The following MAOB variants were observed in gnomAD, a reference collection of about 807,000 sequenced individuals.
The protein encoded by MAOB is monoamine oxidase B, also known as amine oxidase [flavin-containing] B.
Under a neutral mutation model 41.9 loss-of-function variants are expected in MAOB, and 15 were observed. That is an observed-to-expected ratio of 0.36 (90% confidence interval 0.24 to 0.55). The LOEUF (loss-of-function observed/expected upper bound fraction) is 0.55, where lower values mean the gene tolerates loss of function less well. Among genes scored for constraint, MAOB ranks in the 20% least tolerant of loss-of-function variants. MAOB has a pLI of 0.86. For missense variants in MAOB, 345 were observed against 398.7 expected (o/e 0.87, Z 1.15); for synonymous variants, 167 against 144.2 (o/e 1.16, Z -1.13).
At chrX:43,812,868 G>T (rs753063348) in intron 3 of MAOB, among the ~76,000 whole-genome samples, 2 of 112,143 alleles carry the variant, frequency 1.8e-5, no homozygotes, top group Admixed American at 1.9e-4. Flanking sequence ...TGTCCACATA[G>T]AAAGAAATGG....
chrX:43,779,432 A>C (rs567523186), intron 10 of MAOB, among the ~76,000 whole-genome samples: 8 of 112,413 alleles, frequency 7.1e-5, no homozygotes, highest in African/African-American at 2.6e-4. Flanking sequence ...GATTTCTAAA[A>C]AATTATCTTG....
At chrX:43,822,564 T>C (rs890156897) in intron 3 of MAOB, among the ~76,000 whole-genome samples, 1 of 111,650 alleles carries the variant, frequency 9.0e-6, no homozygotes, top group Admixed American at 9.5e-5. Flanking sequence ...CTTGTGAATT[T>C]TACATGGAAG....
At chrX:43,808,633 CATCTATATCTAT>C (rs4071606) in intron 3 of MAOB, among the ~76,000 whole-genome samples, 921 of 89,132 alleles carry the variant, frequency 0.01, 11 homozygotes, top group East Asian at 0.047. Flanking sequence ...GCATCCTGCA[CATCTATATCTAT>C]ATCTATATCT....
At chrX:43,862,765 T>C (rs941655295) in intron 1 of MAOB, among the ~76,000 whole-genome samples, 6 of 111,582 alleles carry the variant, frequency 5.4e-5, no homozygotes, top group Admixed American at 3.8e-4. Flanking sequence ...ACATTTCTTT[T>C]ATGAGTTACC....
chrX:43,858,775 C>G (rs1411650113), intron 1 of MAOB, among the ~76,000 whole-genome samples: 1 of 111,504 alleles, frequency 9.0e-6, no homozygotes, highest in Non-Finnish European at 1.9e-5. Flanking sequence ...ACTTTTCACT[C>G]AGATTATTTT....
intron 5 of MAOB, among the ~76,000 whole-genome samples, chrX:43,797,631 C>A (rs56360464): frequency 0.15 from 16,624 of 111,237 alleles, 1,312 homozygotes; most frequent in Middle Eastern, 0.28. Context: ...TCTCTCTTTC[C>A]ATCAATCTTC....
At chrX:43,785,936 A>C (rs1348424587) in intron 8 of MAOB, among the ~76,000 whole-genome samples, 1 of 112,309 alleles carries the variant, frequency 8.9e-6, no homozygotes, top group Non-Finnish European at 1.9e-5. Flanking sequence ...ATAATAATGA[A>C]AGTTTGAAAT....
At chrX:43,814,033 G>A (rs1334615203) in intron 3 of MAOB, among the ~76,000 whole-genome samples, 1 of 110,081 alleles carries the variant, frequency 9.1e-6, no homozygotes, top group Non-Finnish European at 1.9e-5. Context: ...TGAATGAAGA[G>A]ATGAAAGAGG....
chrX:43,796,869 A>G (rs781136408), intron 6 of MAOB, among the ~76,000 whole-genome samples: 3 of 112,027 alleles, frequency 2.7e-5, no homozygotes, highest in South Asian at 7.4e-4. Context: ...TTACCAAATA[A>G]TAATTGAGCG....
At chrX:43,783,452 A>T (rs1209501644) in intron 8 of MAOB, among the ~76,000 whole-genome samples, 3 of 112,412 alleles carry the variant, frequency 2.7e-5, no homozygotes, top group Non-Finnish European at 5.6e-5. Context: ...CAGATAATGG[A>T]AATAAAGTGA....
chrX:43,786,391 A>C (rs981658935), intron 8 of MAOB, among the ~76,000 whole-genome samples: 6 of 111,535 alleles, frequency 5.4e-5, no homozygotes, highest in African/African-American at 1.6e-4. Flanking sequence ...CAGACAAACC[A>C]GGAAGCCTTT....
chrX:43,797,318 T>C, intron 5 of MAOB, 52 bp from the exon 6 acceptor site: 1 of 990,660 alleles, frequency 1.0e-6, no homozygotes, highest in Non-Finnish European at 1.3e-6. Context: ...GAGCAGCTTC[T>C]TAATTCTCTA....
chrX:43,789,569 G>C (rs1044538798), intron 8 of MAOB, among the ~76,000 whole-genome samples: 41 of 112,096 alleles, frequency 3.7e-4, no homozygotes, highest in African/African-American at 1.2e-3. Flanking sequence ...CCTTTCCACA[G>C]AAGTGGGCTA....
intron 1 of MAOB, among the ~76,000 whole-genome samples, chrX:43,880,073 A>T (rs1473234598): frequency 8.9e-6 from 1 of 112,112 alleles, no homozygotes; most frequent in Non-Finnish European, 1.9e-5. Flanking sequence ...CTATTAAAGC[A>T]CCTATCATAT....
At chrX:43,834,731 G>A (rs2035054010) in intron 3 of MAOB, among the ~76,000 whole-genome samples, 1 of 112,256 alleles carries the variant, frequency 8.9e-6, no homozygotes, top group Admixed American at 9.5e-5. Flanking sequence ...ATATTTGAGA[G>A]ATGAATCCTC....
intron 11 of MAOB, 23 bp from the exon 12 acceptor site, chrX:43,775,295 C>A: frequency 8.4e-7 from 1 of 1,195,171 alleles, no homozygotes; most frequent in Non-Finnish European, 1.1e-6. Flanking sequence ...GCAACAAAAA[C>A]TTGAAGGAGA....
Position 43,775,072 on chromosome X carries a change from T to C in MAOB, c.1235+103A>G, listed in dbSNP as rs1425272490. 4.5e-6 allele frequency: 4 copies of C among 887,618 alleles called. No homozygotes were observed. The African/African-American group carries it at 9.0e-5, about 20-fold the overall frequency. 73.1% of individuals were successfully genotyped at this position (887,618 alleles called of 1,213,427 possible). On this transcript the variant is annotated intron_variant, in intron 12 of 14. Transcript: ENST00000378069. ...ATTGGGTTGTTTTTTTTTTTTTTTT[T>C]TGTATTTATAAGAAACAAGGGAGAA...
At chrX:43,832,101 C>T (rs1349888121) in intron 3 of MAOB, among the ~76,000 whole-genome samples, 1 of 111,850 alleles carries the variant, frequency 8.9e-6, no homozygotes, top group Non-Finnish European at 1.9e-5. Context: ...AACTAGAATG[C>T]TGCTATGACA....
chrX:43,876,724 TTTAAA>T (rs1197244473), intron 1 of MAOB, among the ~76,000 whole-genome samples: 1 of 112,918 alleles, frequency 8.9e-6, no homozygotes, highest in Non-Finnish European at 1.9e-5. Context: ...AAGCCTTTTG[TTTAAA>T]TTAAGCTGCT....
Sources: allele counts gnomAD v4.1 joint callset (sites outside exome capture counted in the v4.1 genomes callset), GRCh38; gene constraint gnomAD v4.1.1; transcripts MANE v1.5; gene names NCBI Gene and HGNC (gene_info 2026-07-23, HGNC 2026-07-21).